The following RARRES1 variants were observed in gnomAD, a reference collection of about 807,000 sequenced individuals.
RARRES1 encodes retinoic acid receptor responder 1.
A neutral mutation model predicts 30.6 loss-of-function variants in RARRES1; 34 were observed. The ratio of observed to expected loss-of-function variants is 1.11; its 90% confidence interval spans 0.84 to 1.48. The LOEUF (loss-of-function observed/expected upper bound fraction) is 1.48, where lower values mean the gene tolerates loss of function less well. RARRES1 is among the 40% of genes most tolerant of loss of function. RARRES1 has a pLI of 0.00. For missense variants in RARRES1, 373 were observed against 386.5 expected, an observed-to-expected ratio of 0.97 and a Z score of 0.29; for synonymous variants, 153 against 155.5, an observed-to-expected ratio of 0.98 and a Z score of 0.12.
chr3:158,711,695 A>C (rs1414436940), intron 2 of RARRES1, among the ~76,000 whole-genome samples: 1 of 145,354 alleles, frequency 6.9e-6, no homozygotes, highest in Non-Finnish European at 1.5e-5. Context: ...TCCTGGGTTC[A>C]CGCGATTCTC....
At chr3:158,710,093 A>G (rs1402396730) in intron 3 of RARRES1, among the ~76,000 whole-genome samples, 1 of 152,112 alleles carries the variant, frequency 6.6e-6, no homozygotes, top group African/African-American at 2.4e-5. Context: ...CAGCTCCTGG[A>G]CTCAACCCTG....
intron 1 of RARRES1, among the ~76,000 whole-genome samples, chr3:158,730,365 C>CTCCTTCCT (rs61461024): frequency 0.17 from 20,367 of 119,408 alleles, 2,365 homozygotes; most frequent in East Asian, 0.2. Flanking sequence ...GAATAGGTTG[C>CTCCTTCCT]TCCTTCCTTC....
intron 1 of RARRES1, among the ~76,000 whole-genome samples, chr3:158,715,158 C>A (rs989453136): frequency 4.6e-5 from 7 of 152,212 alleles, no homozygotes; most frequent in African/African-American, 1.7e-4. Context: ...AACGCACACA[C>A]ACAAGTCTGT....
intron 3 of RARRES1, among the ~76,000 whole-genome samples, chr3:158,708,279 A>T (rs1726991651): frequency 1.3e-5 from 2 of 152,196 alleles, no homozygotes; most frequent in Non-Finnish European, 2.9e-5. Flanking sequence ...GTTCTATCTT[A>T]TGGTGCTGCT....
chr3:158,719,269 ATTTTTTT>A (rs574609197), intron 1 of RARRES1, among the ~76,000 whole-genome samples: 1 of 122,142 alleles, frequency 8.2e-6, no homozygotes. Flanking sequence ...TTATGCTCTA[ATTTTTTT>A]TTTTTTTTTT....
chr3:158,714,669 A>G (rs1348206410), intron 1 of RARRES1, among the ~76,000 whole-genome samples: 1 of 152,244 alleles, frequency 6.6e-6, no homozygotes, highest in East Asian at 1.9e-4. Context: ...TATCTATGTC[A>G]TTGCAATTTA....
At chr3:158,726,526 G>C (rs913095287) in intron 1 of RARRES1, among the ~76,000 whole-genome samples, 10 of 152,210 alleles carry the variant, frequency 6.6e-5, no homozygotes, top group Non-Finnish European at 8.8e-5. Context: ...GCATATATCA[G>C]ATGTACTTAG....
rs1727571969 is a variant in RARRES1, at chr3:158,723,176, G to A, written c.276+8964C>T. ...GTTCTCAGGCTGGCAGTGGGTGGGT[G>A]GGGACGAGCTCACAGGTAATTCCAG... On this transcript the variant is annotated intron_variant, in intron 1 of 5. Transcript: ENST00000237696. This position sits in a 1 kb window ranked among gnomAD's most constrained non-coding sequence, Gnocchi z 4.4. Among the ~76,000 whole-genome samples, 1 of 152,146 alleles carries A rather than the reference G, an allele frequency of 6.6e-6. No homozygotes were observed. The highest frequency in any genetic ancestry group is 6.5e-5 in the Admixed American group (1 of 15,268).
chr3:158,697,556 A>T lies in RARRES1; in HGVS notation c.*122T>A. On this transcript the variant is annotated 3_prime_UTR_variant, in exon 6 of 6. Coordinates refer to ENST00000237696, the MANE Select transcript of RARRES1 (RefSeq NM_206963.2). ...AACATCTTTGCATTTCTGAGTTTTT[A>T]CTTGTAATCATAGGTTTTCCCAAAT... The T allele has an allele frequency of 9.1e-7, 1 of 1,098,660 alleles. No individual in the cohort carries two copies. Among genetic ancestry groups the T allele is most frequent in the Non-Finnish European group, 1.3e-6 (1 of 776,206 alleles). 68.1% of individuals were successfully genotyped at this position (1,098,660 alleles called of 1,614,324 possible).
chr3:158,716,990 G>A (rs979720715), intron 1 of RARRES1, among the ~76,000 whole-genome samples: 2 of 152,168 alleles, frequency 1.3e-5, no homozygotes, highest in Non-Finnish European at 2.9e-5. Flanking sequence ...TCTCACAAAG[G>A]CCTCTCCCTT....
chr3:158,715,375 T>C (rs1435924678), intron 1 of RARRES1, among the ~76,000 whole-genome samples: 1 of 152,150 alleles, frequency 6.6e-6, no homozygotes, highest in Non-Finnish European at 1.5e-5. Flanking sequence ...GAGCCAGTGT[T>C]AGACAAAGGT....
Position 158,732,256 on chromosome 3 carries a change from C to T in RARRES1, c.160G>A (p.Val54Ile), listed in dbSNP as rs1446474081. The change falls in exon 1 of 6, where the codon GTC (valine) becomes ATC (isoleucine). Residue 54 changes from valine (V) to isoleucine (I), a missense_variant. Physicochemically the swap from Val to Ile is conservative, Grantham distance 29 (BLOSUM62 3). Transcript: ENST00000237696. ...DDPGQPQDAG[V>I]PRRLLQQAAR... is the part of the protein sequence containing the mutation. ...GCCTGCTGCAGGAGCCTGCGCGGGA[C>T]CCCAGCATCCTGAGGCTGCCCAGGG... 2 of 1,373,280 alleles carry T rather than the reference C, an allele frequency of 1.5e-6. No homozygotes were observed. Among genetic ancestry groups the T allele is most frequent in the African/African-American group, 1.5e-5 (1 of 65,400 alleles). 85.1% of individuals were successfully genotyped at this position (1,373,280 alleles called of 1,614,324 possible).
intron 3 of RARRES1, among the ~76,000 whole-genome samples, chr3:158,707,893 A>T (rs1303442109): frequency 6.6e-6 from 1 of 152,216 alleles, no homozygotes; most frequent in Admixed American, 6.5e-5. Context: ...GTGCCTTCAT[A>T]TTTGGAACTG....
chr3:158,698,092 C>A, intron 4 of RARRES1, 122 bp from the exon 5 acceptor site: 1 of 680,384 alleles, frequency 1.5e-6, no homozygotes, highest in Non-Finnish European at 2.4e-6. Flanking sequence ...ATTTCAGCCT[C>A]ACGGTTTTTG....
intron 1 of RARRES1, among the ~76,000 whole-genome samples, chr3:158,730,769 A>G (rs1044691451): frequency 7.2e-6 from 1 of 138,180 alleles, no homozygotes; most frequent in Non-Finnish European, 1.6e-5. Flanking sequence ...CTTTTTCTTT[A>G]TTATTTTATT....
At chr3:158,703,437 C>A (rs1726802199) in intron 4 of RARRES1, among the ~76,000 whole-genome samples, 1 of 152,112 alleles carries the variant, frequency 6.6e-6, no homozygotes, top group African/African-American at 2.4e-5. Flanking sequence ...AATGCAAAAA[C>A]CCTTTCAGCC....
intron 2 of RARRES1, among the ~76,000 whole-genome samples, chr3:158,712,422 A>G (rs1374584067): frequency 6.6e-6 from 1 of 152,202 alleles, no homozygotes; most frequent in Non-Finnish European, 1.5e-5. Flanking sequence ...AAATAAAAAA[A>G]TTGGATCTGC....
intron 1 of RARRES1, among the ~76,000 whole-genome samples, chr3:158,730,268 C>T (rs886805332): frequency 2.0e-5 from 3 of 148,036 alleles, no homozygotes; most frequent in East Asian, 2.0e-4. Flanking sequence ...TGCAGTAAGC[C>T]GAGATCGCAG....
rs946922339 is a variant in RARRES1 at position 158,710,488 on chromosome 3, A to G, written c.535+250T>C. ...CTCCCAAAGTGCTGGGATTACAGGC[A>G]TGAGCCACCGCGCCCAGCTGGAAAA... is the stretch of plus-strand genomic sequence containing the variant. On this transcript the variant is annotated intron_variant, in intron 3 of 5. Transcript: ENST00000237696. Among the ~76,000 whole-genome samples the G allele has an allele frequency of 5.9e-5, 9 of 152,302 alleles. No individual in the cohort carries two copies. In the East Asian group the frequency reaches 1.2e-3, roughly 20 times the overall value.
Sources: gnomAD v4.1 joint callset for allele counts (sites outside exome capture counted in the v4.1 genomes callset) on GRCh38, gnomAD v4.1.1 for gene constraint, Gnocchi (gnomAD v3.1) non-coding constraint, MANE v1.5 for transcripts, NCBI Gene and HGNC (gene_info 2026-07-23, HGNC 2026-07-21) for gene names.